The following ADAMTS16 variants were observed in gnomAD, a reference collection of about 807,000 sequenced individuals.
The protein encoded by ADAMTS16 is A disintegrin and metalloproteinase with thrombospondin motifs 16.
Under a neutral mutation model 145.8 loss-of-function variants are expected in ADAMTS16, and 94 were observed. The ratio of observed to expected loss-of-function variants is 0.64; its 90% CI spans 0.55 to 0.77. The LOEUF is 0.77. Ranked by LOEUF, ADAMTS16 falls within the 30% of genes least tolerant of loss-of-function variation. The pLI is 0.00. For synonymous variants in ADAMTS16, 659 were observed against 604.3 expected, an observed-to-expected ratio of 1.09 and a Z score of -1.33; for missense variants, 1,585 against 1,591.5, an observed-to-expected ratio of 1.00 and a Z score of 0.07.
intron 16 of ADAMTS16, among the ~76,000 whole-genome samples, chr5:5,241,018 G>A (rs1737272925): frequency 1.3e-5 from 2 of 152,000 alleles, no homozygotes; most frequent in Non-Finnish European, 2.9e-5. Context: ...AGAATGTCAG[G>A]GCTGGAGAGT....
intron 10 of ADAMTS16, among the ~76,000 whole-genome samples, chr5:5,212,691 T>C (rs1277136792): frequency 1.3e-5 from 2 of 152,236 alleles, no homozygotes; most frequent in Admixed American, 1.3e-4. Flanking sequence ...AAAATGTGTC[T>C]GCTGTAAACA....
intron 18 of ADAMTS16, among the ~76,000 whole-genome samples, chr5:5,281,036 T>C (rs922291773): frequency 7.2e-5 from 11 of 152,184 alleles, no homozygotes; most frequent in African/African-American, 2.4e-4. Flanking sequence ...ATATTCACCA[T>C]TGGATGCTAA....
intron 3 of ADAMTS16, among the ~76,000 whole-genome samples, chr5:5,159,524 C>T (rs1197180697): frequency 6.6e-6 from 1 of 152,122 alleles, no homozygotes; most frequent in Non-Finnish European, 1.5e-5. Flanking sequence ...CATTATTGAA[C>T]TGTGTAATAC....
In ADAMTS16 at chr5:5,239,829, C is replaced by T. The variant is rs1737232164; in HGVS notation, c.2427C>T (p.Tyr809=). ...GHWTVDWPGR[Y]KFSGTTFDYR... ...GGACCGTGGACTGGCCCGGCCGGTA[C>T]AAATTTTCGGGCACTACTTTCGACT... Residue 809 remains tyrosine (Y), a synonymous_variant, in exon 16 of 23, where the codon TAC becomes TAT. Transcript: ENST00000274181. 1.2e-6 allele frequency: 2 copies of T among 1,614,038 alleles called. No individual in the cohort carries two copies. Among genetic ancestry groups the T allele is most frequent in the Non-Finnish European group, 1.7e-6 (2 of 1,180,016 alleles).
chr5:5,199,021 T>C (rs1228361663), intron 8 of ADAMTS16, among the ~76,000 whole-genome samples: 1 of 152,192 alleles, frequency 6.6e-6, no homozygotes, highest in East Asian at 1.9e-4. Flanking sequence ...ATGGCAATAG[T>C]GGCTTAGCTC....
rs962923759 is a variant in ADAMTS16, at chr5:5,290,234, C to T, written c.2790-13034C>T. ...CTTGTGTTCTTGCAGCTGGCTTTCA[C>T]CGAAACTGTATGAGGAAGACATTTC... On this transcript the variant is annotated intron_variant, in intron 18 of 22. Coordinates refer to ENST00000274181, the MANE Select transcript of ADAMTS16 (RefSeq NM_139056.4). 8.5e-5 allele frequency among the ~76,000 whole-genome samples: 13 copies of T among 152,154 alleles called. 1 individual carries two copies. The highest frequency in any genetic ancestry group is 4.6e-4 in the Admixed American group (7 of 15,280).
intron 9 of ADAMTS16, among the ~76,000 whole-genome samples, chr5:5,201,444 G>T (rs191685453): frequency 1.3e-5 from 2 of 151,052 alleles, no homozygotes; most frequent in East Asian, 3.9e-4. Flanking sequence ...GAACTAGCTA[G>T]TTGTGATAGG....
chr5:5,280,100 C>T (rs571890785), intron 18 of ADAMTS16, among the ~76,000 whole-genome samples: 1 of 151,816 alleles, frequency 6.6e-6, no homozygotes, highest in East Asian at 1.9e-4. Flanking sequence ...GATTTTGCTC[C>T]TTTTTTGTGT....
chr5:5,280,052 T>C (rs1417897608), intron 18 of ADAMTS16, among the ~76,000 whole-genome samples: 1 of 152,082 alleles, frequency 6.6e-6, no homozygotes, highest in Admixed American at 6.6e-5. Flanking sequence ...ATCTGTAGAG[T>C]ATTTTTCCTC....
At chr5:5,189,946 T>C (rs1435361341) in intron 6 of ADAMTS16, 25 bp from the exon 7 acceptor site, 1 of 1,608,790 alleles carries the variant, frequency 6.2e-7, no homozygotes, top group South Asian at 1.1e-5. Flanking sequence ...TATCATGGGG[T>C]CCTCGGTCCT....
intron 5 of ADAMTS16, among the ~76,000 whole-genome samples, chr5:5,187,069 G>A (rs1268358297): frequency 2.0e-5 from 3 of 152,172 alleles, no homozygotes; most frequent in Non-Finnish European, 4.4e-5. Flanking sequence ...CCCGCTGCAC[G>A]GGGTCAAAGC....
At position 5,185,923 on chromosome 5, in the gene ADAMTS16, G is replaced by A. The variant is rs542233552; in HGVS notation, c.764-129G>A. 14 of 751,536 alleles carry A rather than the reference G, an allele frequency of 1.9e-5. No individual in the cohort carries two copies. The South Asian group carries it at 2.4e-4, about 13-fold the overall frequency. The allele number at this position is 751,536 out of a possible 1,614,324, so 46.6% of individuals were successfully genotyped here. On this transcript the variant is annotated intron_variant, in intron 4 of 22. Transcript: ENST00000274181. Reference sequence around the variant, plus strand: ...TTAATACAAGTTTCTGCATCACAAGGTTTTAAAGGTTTATGTGGTTTTTAT... The same window carrying A: ...TTAATACAAGTTTCTGCATCACAAGATTTTAAAGGTTTATGTGGTTTTTAT...
At chr5:5,164,012 C>A (rs1022795274) in intron 3 of ADAMTS16, among the ~76,000 whole-genome samples, 9 of 152,158 alleles carry the variant, frequency 5.9e-5, no homozygotes, top group Admixed American at 3.9e-4. Context: ...CTTTATCACA[C>A]CCCACCCACA....
In ADAMTS16 at chr5:5,140,734, C is replaced by A; in HGVS notation, c.143C>A (p.Pro48His). The A allele has an allele frequency of 6.4e-7, 1 of 1,569,828 alleles. No individual in the cohort carries two copies. The highest frequency in any genetic ancestry group is 1.2e-5 in the South Asian group (1 of 85,704). ...CCGAGCGTCCCGCGTCCTCCTCCAC[C>A]CGCGGAGCGGCCGGGCTGGATGGAA... ...GSPSVPRPPP[P>H]AERPGWMEKG... The change falls in exon 2 of 23, where the codon CCC becomes CAC. Residue 48 changes from proline (P) to histidine (H), a missense_variant. Pro to His is a moderately conservative substitution (Grantham distance 77). This residue lies in a region of ADAMTS16 where 453 missense variants were observed against 412.1 expected (regional missense o/e 1.10). Transcript: ENST00000274181.
At chr5:5,237,597 C>T (rs957657549) in intron 14 of ADAMTS16, among the ~76,000 whole-genome samples, 1 of 152,086 alleles carries the variant, frequency 6.6e-6, no homozygotes, top group Non-Finnish European at 1.5e-5. Context: ...TATCCTGTGT[C>T]CATGTAGATA....
chr5:5,173,361 T>A (rs1735099734), intron 3 of ADAMTS16, among the ~76,000 whole-genome samples: 1 of 152,066 alleles, frequency 6.6e-6, no homozygotes, highest in African/African-American at 2.4e-5. Context: ...GTGAAGGTTA[T>A]TTTCTCTGTG....
At position 5,269,935 on chromosome 5, in the gene ADAMTS16, T is replaced by TC. The variant is rs1738400798; in HGVS notation, c.2789+7154dup. Among the ~76,000 whole-genome samples, 3 of 152,134 alleles carry TC rather than the reference T, an allele frequency of 2.0e-5. No individual in the cohort carries two copies. The South Asian group carries it at 6.2e-4, about 31-fold the overall frequency. Reference sequence around the variant, plus strand: ...TCTAGGGGAAGCTGGAGCTGATGTGTCCTACAGCAAGTAGAAACATGAGAC... The same window carrying TC: ...TCTAGGGGAAGCTGGAGCTGATGTGTCCCTACAGCAAGTAGAAACATGAGAC... On this transcript the variant is annotated intron_variant, in intron 18 of 22. Coordinates refer to ENST00000274181, the MANE Select transcript of ADAMTS16 (RefSeq NM_139056.4). This position sits in a 1 kb window ranked among gnomAD's most constrained non-coding sequence, Gnocchi z 4.3.
Position 5,140,426 on chromosome 5 carries a change from G to A in ADAMTS16, c.-42G>A. 1 of 1,486,148 alleles carries A rather than the reference G, an allele frequency of 6.7e-7. No homozygotes were observed. Among genetic ancestry groups the A allele is most frequent in the Non-Finnish European group, 8.9e-7 (1 of 1,125,572 alleles). 92.1% of individuals were successfully genotyped at this position (1,486,148 alleles called of 1,614,324 possible). Reference sequence around the variant, plus strand: ...CCTGCCCGCTCGCACGCTGCCGGCCGGGGACCCTCCGGTGGCCCCTAGCCC... The same window carrying A: ...CCTGCCCGCTCGCACGCTGCCGGCCAGGGACCCTCCGGTGGCCCCTAGCCC... On this transcript the variant is annotated 5_prime_UTR_variant, in exon 1 of 23. Transcript: ENST00000274181.
chr5:5,199,078 G>T (rs923157561), intron 8 of ADAMTS16, among the ~76,000 whole-genome samples: 5 of 152,160 alleles, frequency 3.3e-5, no homozygotes, highest in Admixed American at 1.3e-4. Context: ...AGCCACAAGA[G>T]CTCCCAAGGA....
Sources: gnomAD v4.1 joint callset for allele counts (sites outside exome capture counted in the v4.1 genomes callset) on GRCh38, gnomAD v4.1.1 for gene constraint, gnomAD v4.1.1 regional missense constraint, Gnocchi (gnomAD v3.1) non-coding constraint, MANE v1.5 for transcripts, NCBI Gene and HGNC (gene_info 2026-07-23, HGNC 2026-07-21) for gene names.